Variants in GPC5 observed in about 807,000 individuals in gnomAD.
The protein encoded by GPC5 is glypican-5.
In GPC5, 47 loss-of-function variants were observed where a neutral mutation model predicts 53.9. That is an observed-to-expected ratio of 0.87 (90% confidence interval 0.69 to 1.11). The LOEUF (loss-of-function observed/expected upper bound fraction) is 1.11, where lower values mean the gene tolerates loss of function less well. GPC5 is among the 50% of genes most tolerant of loss of function. The pLI is 0.00. For missense variants in GPC5, 748 were observed against 713.1 expected, an observed-to-expected ratio of 1.05 and a Z score of -0.56; for synonymous variants, 286 against 263.3, an observed-to-expected ratio of 1.09 and a Z score of -0.84.
chr13:92,188,321 T>A lies in GPC5; in HGVS notation c.1561+43332T>A, dbSNP rs185854882. Among the ~76,000 whole-genome samples the A allele has an allele frequency of 1.1e-4, 17 of 152,306 alleles. No individual in the cohort carries two copies. The East Asian group carries it at 3.1e-3, about 28-fold the overall frequency. On this transcript the variant is annotated intron_variant, in intron 7 of 7. Coordinates refer to ENST00000377067, the MANE Select transcript of GPC5 (RefSeq NM_004466.6). ...AGATGAAAGGGGCTCAACTTGATTA[T>A]ATTTTAAGAAATACAATAGGAGAAA...
At chr13:91,921,791 GAAA>G (rs2039717655) in intron 6 of GPC5, among the ~76,000 whole-genome samples, 1 of 18,786 alleles carries the variant, frequency 5.3e-5, no homozygotes, top group South Asian at 2.7e-3. Context: ...AAAAAAAAAA[GAAA>G]GAAAGAAAGA....
chr13:92,834,760 A>C (rs1432106353), intron 7 of GPC5, among the ~76,000 whole-genome samples: 2 of 152,140 alleles, frequency 1.3e-5, no homozygotes, highest in African/African-American at 4.8e-5. Flanking sequence ...TTGGTATCTA[A>C]TGTGAAGCTA....
intron 7 of GPC5, among the ~76,000 whole-genome samples, chr13:92,485,658 T>C (rs1363446875): frequency 6.6e-6 from 1 of 152,158 alleles, no homozygotes; most frequent in Non-Finnish European, 1.5e-5. Flanking sequence ...AGCCCTACCT[T>C]ACAGCAGGTG....
intron 2 of GPC5, among the ~76,000 whole-genome samples, chr13:91,459,753 CAGG>C (rs1190827960): frequency 6.6e-6 from 1 of 152,008 alleles, no homozygotes; most frequent in Non-Finnish European, 1.5e-5. Context: ...TTGGAAGAGC[CAGG>C]AGATTTCCAG....
At chr13:92,732,350 A>AT (rs1277889278) in intron 7 of GPC5, among the ~76,000 whole-genome samples, 1 of 151,360 alleles carries the variant, frequency 6.6e-6, no homozygotes, top group Non-Finnish European at 1.5e-5. Flanking sequence ...TCTCACTTAT[A>AT]TTTTTCCTCC....
chr13:92,506,671 A>G (rs1880380462), intron 7 of GPC5, among the ~76,000 whole-genome samples: 1 of 152,140 alleles, frequency 6.6e-6, no homozygotes, highest in South Asian at 2.1e-4. Flanking sequence ...TCTTTCAAAT[A>G]TATAACATCC....
chr13:91,633,789 C>G (rs1255962240), intron 2 of GPC5, among the ~76,000 whole-genome samples: 1 of 152,118 alleles, frequency 6.6e-6, no homozygotes, highest in Non-Finnish European at 1.5e-5. Flanking sequence ...GGAATGAAAT[C>G]TACTAGAGTA....
In GPC5 at chr13:91,868,447, C is replaced by A. The variant is rs1405749534; in HGVS notation, c.1281-39490C>A. Among the ~76,000 whole-genome samples the A allele has an allele frequency of 2.0e-5, 3 of 152,152 alleles. No homozygotes were observed. In the East Asian group the frequency reaches 5.8e-4, roughly 29 times the overall value. ...CAAGGCTGGGCATGGTGCCTCATGC[C>A]TATAATCCCAACACTGGGAAGTCAA... On this transcript the variant is annotated intron_variant, in intron 5 of 7. Coordinates refer to ENST00000377067, the MANE Select transcript of GPC5 (RefSeq NM_004466.6).
chr13:92,309,624 T>C (rs1202787039), intron 7 of GPC5, among the ~76,000 whole-genome samples: 4 of 152,028 alleles, frequency 2.6e-5, no homozygotes, highest in African/African-American at 9.7e-5. Context: ...ATTGAAAAAT[T>C]TGCCTATTTT....
chr13:92,561,775 A>C (rs1335480907), intron 7 of GPC5, among the ~76,000 whole-genome samples: 1 of 152,004 alleles, frequency 6.6e-6, no homozygotes, highest in Non-Finnish European at 1.5e-5. Flanking sequence ...GAAGGTTTGG[A>C]GTTTCTATGG....
At chr13:92,622,949 A>G (rs1388188915) in intron 7 of GPC5, among the ~76,000 whole-genome samples, 1 of 152,186 alleles carries the variant, frequency 6.6e-6, no homozygotes, top group Middle Eastern at 3.2e-3. Context: ...GTCTGAGGGA[A>G]GAAGAAAGGA....
chr13:92,166,939 C>CTCTCTCTCTCTCTA (rs2042032531), intron 7 of GPC5, among the ~76,000 whole-genome samples: 1 of 111,164 alleles, frequency 9.0e-6, no homozygotes, highest in African/African-American at 3.5e-5. Flanking sequence ...CTCTCTCTCT[C>CTCTCTCTCTCTCTA]TCTCTCTCTC....
In GPC5 at chr13:91,701,627, T is replaced by C. The variant is rs573731192; in HGVS notation, c.1020+7746T>C. Reference sequence around the variant, plus strand: ...TATTCCATAGGTTCTCTCTACATTATGTTGATTGTTTCATTGGCTGTGCAG... The same window carrying C: ...TATTCCATAGGTTCTCTCTACATTACGTTGATTGTTTCATTGGCTGTGCAG... On this transcript the variant is annotated intron_variant, in intron 3 of 7. Transcript: ENST00000377067. Among the ~76,000 whole-genome samples the C allele has an allele frequency of 3.3e-5, 5 of 152,118 alleles. 1 individual carries two copies. The South Asian group carries it at 1.0e-3, about 32-fold the overall frequency.
At chr13:92,739,270 G>C (rs1889024321) in intron 7 of GPC5, among the ~76,000 whole-genome samples, 1 of 152,068 alleles carries the variant, frequency 6.6e-6, no homozygotes, top group Admixed American at 6.6e-5. Flanking sequence ...TGGTGTGCCT[G>C]AACAGAGCTA....
intron 1 of GPC5, among the ~76,000 whole-genome samples, chr13:91,439,050 T>C (rs113358980): frequency 0.027 from 4,047 of 152,340 alleles, 174 homozygotes; most frequent in African/African-American, 0.091. Flanking sequence ...CTGGGAGCTG[T>C]AGACTGGAGC....
At chr13:92,100,927 T>C (rs2041461472) in intron 6 of GPC5, among the ~76,000 whole-genome samples, 1 of 152,200 alleles carries the variant, frequency 6.6e-6, no homozygotes, top group South Asian at 2.1e-4. Flanking sequence ...GTATCATATC[T>C]AGCTATCAAA....
intron 5 of GPC5, among the ~76,000 whole-genome samples, chr13:91,795,166 A>G (rs1445382585): frequency 6.6e-6 from 1 of 152,206 alleles, no homozygotes; most frequent in African/African-American, 2.4e-5. Flanking sequence ...TGATCACAAA[A>G]CAATGAATAC....
At chr13:92,269,785 A>T (rs1424818487) in intron 7 of GPC5, among the ~76,000 whole-genome samples, 1 of 152,198 alleles carries the variant, frequency 6.6e-6, no homozygotes, top group Non-Finnish European at 1.5e-5. Flanking sequence ...GAAGTCTGCC[A>T]AAGCTAGAGC....
rs141165946 is a variant in GPC5, at chr13:92,293,734, A to C, written c.1561+148745A>C. Among the ~76,000 whole-genome samples, 41 of 152,182 alleles carry C rather than the reference A, an allele frequency of 2.7e-4. 2 individuals carry two copies. The South Asian group carries it at 6.6e-3, about 25-fold the overall frequency. On this transcript the variant is annotated intron_variant, in intron 7 of 7. Coordinates refer to ENST00000377067, the MANE Select transcript of GPC5 (RefSeq NM_004466.6). ...TAGGACTTCCAGTACTATGTTGAAG[A>C]GGAGTGGTGAGAGTGGGCATCCTTG...
Sources: gnomAD v4.1 joint callset for allele counts (sites outside exome capture counted in the v4.1 genomes callset) on GRCh38, gnomAD v4.1.1 for gene constraint, MANE v1.5 for transcripts, NCBI Gene and HGNC (gene_info 2026-07-23, HGNC 2026-07-21) for gene names.